UBXN2B: variants seen among roughly 807,000 people sequenced by gnomAD.
The protein encoded by UBXN2B is UBX domain protein 2B.
UBXN2B carries 19 observed loss-of-function variants against 37.5 expected under a neutral mutation model. That is an observed-to-expected ratio of 0.51 (90% CI 0.35 to 0.74). The LOEUF is 0.74. UBXN2B is among the 30% of genes least tolerant of loss of function. The pLI is 0.01. For synonymous variants in UBXN2B, 145 were observed against 143.8 expected, an observed-to-expected ratio of 1.01 and a Z score of -0.06; for missense variants, 370 against 393.2, an observed-to-expected ratio of 0.94 and a Z score of 0.50.
At chr8:58,433,947 A>C (rs146315366) in intron 4 of UBXN2B, among the ~76,000 whole-genome samples, 2 of 152,158 alleles carry the variant, frequency 1.3e-5, no homozygotes, top group African/African-American at 4.8e-5. Context: ...TTAGACATTG[A>C]TAGTTTCTTG....
intron 2 of UBXN2B, among the ~76,000 whole-genome samples, chr8:58,422,074 A>G (rs974593825): frequency 1.3e-5 from 2 of 152,250 alleles, no homozygotes; most frequent in Non-Finnish European, 2.9e-5. Flanking sequence ...GAGTCAATGT[A>G]ACAATGCAAT....
chr8:58,435,756 T>C (rs958323899), intron 5 of UBXN2B, among the ~76,000 whole-genome samples: 1 of 152,228 alleles, frequency 6.6e-6, no homozygotes, highest in African/African-American at 2.4e-5. Flanking sequence ...ATTAAAAGAA[T>C]TTTAAAATTT....
At chr8:58,426,403 T>C in intron 2 of UBXN2B, 1 of 542,148 alleles carries the variant, frequency 1.8e-6, no homozygotes. Context: ...AGAGACGGGG[T>C]TTCACCATGT....
chr8:58,449,422 T>C lies in UBXN2B; in HGVS notation c.*1871T>C, dbSNP rs141803286. ...TACAGCATCAACTCTAAATCCAAAA[T>C]CTTATCTGAGTCTCACCAACTCAAA... On this transcript the variant is annotated 3_prime_UTR_variant, in exon 8 of 8. Coordinates refer to ENST00000399598, the MANE Select transcript of UBXN2B (RefSeq NM_001077619.2). 2.7e-3 allele frequency: 413 copies of C among 150,336 alleles called. 1 individual carries two copies. Among genetic ancestry groups the C allele is most frequent in the African/African-American group, 9.8e-3 (400 of 40,872 alleles). 9.3% of individuals were successfully genotyped at this position (150,336 alleles called of 1,614,324 possible). A position where few individuals can be genotyped will look rare whatever the true frequency, so the allele number is the denominator to read the frequency against.
At chr8:58,446,779 A>ATTTTGTTTTTTTTTTTTT (rs1808682688) in intron 7 of UBXN2B, among the ~76,000 whole-genome samples, 3 of 17,402 alleles carry the variant, frequency 1.7e-4, no homozygotes, top group African/African-American at 2.2e-4. Context: ...TACAACCTGC[A>ATTTTGTTTTTTTTTTTTT]TTTTTTTTTT....
At chr8:58,428,099 G>T (rs186707563) in intron 2 of UBXN2B, among the ~76,000 whole-genome samples, 2 of 152,326 alleles carry the variant, frequency 1.3e-5, no homozygotes, top group East Asian at 3.9e-4. Flanking sequence ...GCAATGAGAA[G>T]ATAACTCAGA....
At chr8:58,418,707 C>T (rs1807847931) in intron 2 of UBXN2B, among the ~76,000 whole-genome samples, 1 of 152,152 alleles carries the variant, frequency 6.6e-6, no homozygotes, top group Admixed American at 6.5e-5. Context: ...TACTGTGTGT[C>T]CTTTGTAATC....
rs2129604864 is a variant in UBXN2B, at chr8:58,451,162, C to A, written c.*3611C>A. The A allele has an allele frequency of 6.6e-6, 1 of 152,610 alleles. No individual in the cohort carries two copies. The highest frequency in any genetic ancestry group is 1.5e-5 in the Non-Finnish European group (1 of 67,988). The allele number at this position is 152,610 out of a possible 1,614,324, so 9.5% of individuals were successfully genotyped here. On this transcript the variant is annotated 3_prime_UTR_variant, in exon 8 of 8. Coordinates refer to ENST00000399598, the MANE Select transcript of UBXN2B (RefSeq NM_001077619.2). ...TCCTTGTAAAATTATTTGAAATTTT[C>A]TTGTTTTTATCAGTTGAGTGCCTAT...
intron 2 of UBXN2B, among the ~76,000 whole-genome samples, chr8:58,422,154 A>G (rs1479588916): frequency 2.0e-5 from 3 of 152,250 alleles, no homozygotes; most frequent in African/African-American, 4.8e-5. Flanking sequence ...AAGTTTTACT[A>G]GAAGACAGCA....
chr8:58,429,612 T>C (rs951267631), intron 2 of UBXN2B, among the ~76,000 whole-genome samples: 2 of 152,038 alleles, frequency 1.3e-5, no homozygotes, highest in Non-Finnish European at 2.9e-5. Context: ...CTTTCCTCTA[T>C]CTTACTCAGT....
At chr8:58,423,084 TCATC>T (rs1807970259) in intron 2 of UBXN2B, among the ~76,000 whole-genome samples, 1 of 133,866 alleles carries the variant, frequency 7.5e-6, no homozygotes, top group South Asian at 2.8e-4. Flanking sequence ...GACGAAATCA[TCATC>T]ATCATCATCA....
intron 2 of UBXN2B, among the ~76,000 whole-genome samples, chr8:58,428,762 C>G (rs1307405028): frequency 6.6e-6 from 1 of 152,148 alleles, no homozygotes; most frequent in Non-Finnish European, 1.5e-5. Flanking sequence ...TATTGTAAAG[C>G]TGCAATGGTT....
intron 2 of UBXN2B, chr8:58,425,692 T>C: frequency 8.6e-7 from 1 of 1,162,088 alleles, no homozygotes; most frequent in East Asian, 2.4e-5. Context: ...ATTCTGCTAT[T>C]TCAGCAACAT....
chr8:58,440,322 T>C (rs1429964938), intron 6 of UBXN2B, among the ~76,000 whole-genome samples: 4 of 152,226 alleles, frequency 2.6e-5, no homozygotes, highest in Non-Finnish European at 5.9e-5. Context: ...ATGACCAAAC[T>C]CTTGCAGCAG....
chr8:58,446,642 A>C (rs1808678234), intron 7 of UBXN2B, among the ~76,000 whole-genome samples: 1 of 151,954 alleles, frequency 6.6e-6, no homozygotes, highest in Non-Finnish European at 1.5e-5. Context: ...TTTATGTGAG[A>C]GTAATTTTTT....
intron 5 of UBXN2B, among the ~76,000 whole-genome samples, chr8:58,437,792 A>G (rs1178664778): frequency 6.6e-6 from 1 of 152,252 alleles, no homozygotes; most frequent in Admixed American, 6.5e-5. Context: ...GCTATGTAGT[A>G]GAGAAGGAGA....
At chr8:58,443,737 G>A (rs945369701) in intron 6 of UBXN2B, among the ~76,000 whole-genome samples, 6 of 152,110 alleles carry the variant, frequency 3.9e-5, no homozygotes, top group African/African-American at 1.4e-4. Context: ...GAACTCAGGA[G>A]GCAGAGGTTG....
chr8:58,443,385 T>C (rs1472119095), intron 6 of UBXN2B, among the ~76,000 whole-genome samples: 2 of 152,200 alleles, frequency 1.3e-5, no homozygotes, highest in Non-Finnish European at 2.9e-5. Flanking sequence ...CTCTTTTCTT[T>C]CTTAAAAAAT....
Position 58,447,921 on chromosome 8 carries a change from T to C in UBXN2B, c.*370T>C, listed in dbSNP as rs1725332608. ...GCACTAAAGTTTCTTGATGCAGCAT[T>C]GACCAACAGCCATTAAGAAATCTTT... On this transcript the variant is annotated 3_prime_UTR_variant, in exon 8 of 8. Transcript: ENST00000399598. 6.3e-6 allele frequency: 1 copy of C among 159,158 alleles called. No individual in the cohort carries two copies. The highest frequency in any genetic ancestry group is 2.4e-5 in the African/African-American group (1 of 41,732). 9.9% of individuals were successfully genotyped at this position (159,158 alleles called of 1,614,324 possible).
Sources: gnomAD v4.1 joint callset for allele counts (sites outside exome capture counted in the v4.1 genomes callset) on GRCh38, gnomAD v4.1.1 for gene constraint, MANE v1.5 for transcripts, NCBI Gene and HGNC (gene_info 2026-07-23, HGNC 2026-07-21) for gene names.